NACC2: variants seen among roughly 807,000 people sequenced by gnomAD.
The protein encoded by NACC2 is NACC family member 2.
In NACC2, 8 loss-of-function variants were observed where a neutral mutation model predicts 25.1. The observed-to-expected ratio is 0.32, with a 90% confidence interval of 0.19 to 0.57. The LOEUF (loss-of-function observed/expected upper bound fraction) is 0.57. Among genes scored for constraint, NACC2 ranks in the 20% least tolerant of loss-of-function variants. The pLI is 0.89. For missense variants in NACC2, 644 were observed against 650.2 expected (o/e 0.99, Z 0.10); for synonymous variants, 435 against 294.7 (o/e 1.48, Z -4.88).
Position 136,013,170 on chromosome 9 carries a change from A to AGAGACCC in NACC2, c.1255+28_1255+29insGGGTCTC. The AGAGACCC allele has an allele frequency of 5.1e-6, 2 of 391,778 alleles. No individual in the cohort carries two copies. The highest frequency in any genetic ancestry group is 3.8e-5 in the Admixed American group (1 of 26,542). The allele number at this position is 391,778 out of a possible 1,614,324, so 24.3% of individuals were successfully genotyped here. ...GGGATCTGAACCCAGCCCCGGCCCC[A>AGAGACCC]CCCACCCGAGAGACCCCCAGGCTCT... On this transcript the variant is annotated intron_variant, in intron 5 of 5. Transcript: ENST00000277554. The surrounding 1 kb of genome is among the most constrained non-coding windows in gnomAD (Gnocchi z 6.6).
At chr9:136,045,633 G>C (rs1840711642) in intron 2 of NACC2, among the ~76,000 whole-genome samples, 1 of 152,170 alleles carries the variant, frequency 6.6e-6, no homozygotes, top group South Asian at 2.1e-4. Flanking sequence ...CCCCAGCATG[G>C]CACTACCCCT....
chr9:136,014,604 T>C (rs1416097636), intron 3 of NACC2, among the ~76,000 whole-genome samples: 4 of 152,216 alleles, frequency 2.6e-5, no homozygotes, highest in Admixed American at 2.6e-4. Context: ...GAACACACTC[T>C]GAAGGGCTGG....
chr9:136,077,875 G>A (rs934733401), intron 1 of NACC2, among the ~76,000 whole-genome samples: 7 of 152,266 alleles, frequency 4.6e-5, no homozygotes, highest in Non-Finnish European at 1.0e-4. Context: ...ACGCAAAGGT[G>A]TGCCTTTGGG....
chr9:136,061,200 G>A (rs2131170937), intron 1 of NACC2, among the ~76,000 whole-genome samples: 1 of 152,258 alleles, frequency 6.6e-6, no homozygotes, highest in African/African-American at 2.4e-5. Context: ...CCGGCTACCG[G>A]GGTCTCCCAC....
chr9:136,053,616 G>GGTACAA (rs1223957493), intron 1 of NACC2, among the ~76,000 whole-genome samples: 2 of 152,204 alleles, frequency 1.3e-5, no homozygotes, highest in Non-Finnish European at 2.9e-5. Flanking sequence ...CGGGCAGGGG[G>GGTACAA]GTACAAGAGA....
At chr9:136,056,322 TCGG>T (rs571824150) in intron 1 of NACC2, among the ~76,000 whole-genome samples, 1,616 of 152,304 alleles carry the variant, frequency 0.011, 15 homozygotes, top group Middle Eastern at 0.024. Flanking sequence ...GCCAGGGCCC[TCGG>T]CGGCCAGGAA....
intron 1 of NACC2, among the ~76,000 whole-genome samples, chr9:136,068,447 C>T (rs1483582899): frequency 7.0e-6 from 1 of 142,316 alleles, no homozygotes; most frequent in African/African-American, 2.7e-5. Flanking sequence ...TGCAGTGAGC[C>T]GAGATCACAC....
chr9:136,031,355 T>TTCATTCATTCA (rs1840469721), intron 2 of NACC2, among the ~76,000 whole-genome samples: 1 of 94,874 alleles, frequency 1.1e-5, no homozygotes, highest in Non-Finnish European at 2.5e-5. Context: ...TCATTCATTC[T>TTCATTCATTCA]GAGATAGAGT....
chr9:136,014,187 T>A (rs1840160754), intron 3 of NACC2, among the ~76,000 whole-genome samples: 1 of 151,828 alleles, frequency 6.6e-6, no homozygotes, highest in Non-Finnish European at 1.5e-5. Flanking sequence ...AAATCACACA[T>A]GGAACTAAGC....
chr9:136,062,237 T>C (rs185740758), intron 1 of NACC2, among the ~76,000 whole-genome samples: 1 of 151,966 alleles, frequency 6.6e-6, no homozygotes, highest in African/African-American at 2.4e-5. Context: ...CTAAGCAACA[T>C]GATGACTGCA....
intron 1 of NACC2, among the ~76,000 whole-genome samples, chr9:136,094,104 CTTGGGCACCCCCGGGT>C (rs1830461790): frequency 1.3e-5 from 2 of 152,202 alleles, no homozygotes; most frequent in South Asian, 4.1e-4. Flanking sequence ...TCCGGGCTGC[CTTGGGCACCCCCGGGT>C]CAGCACCCCC....
chr9:136,081,719 G>A (rs1197290580), intron 1 of NACC2, among the ~76,000 whole-genome samples: 1 of 152,198 alleles, frequency 6.6e-6, no homozygotes, highest in African/African-American at 2.4e-5. Flanking sequence ...AGCCCCTCCT[G>A]GCTCGGGCCC....
chr9:136,038,509 C>G (rs1486731417), intron 2 of NACC2, among the ~76,000 whole-genome samples: 1 of 152,162 alleles, frequency 6.6e-6, no homozygotes. Flanking sequence ...CACTGCATTC[C>G]AGCCTGGGTG....
intron 1 of NACC2, among the ~76,000 whole-genome samples, chr9:136,062,939 T>C (rs1841032067): frequency 6.6e-6 from 1 of 152,134 alleles, no homozygotes; most frequent in Admixed American, 6.5e-5. Context: ...TAAATAAAAT[T>C]ATACGTTCAC....
In NACC2 at chr9:136,055,236, C is replaced by T. The variant is rs1840906611; in HGVS notation, c.-59-4656G>A. Among the ~76,000 whole-genome samples the T allele has an allele frequency of 6.6e-6, 1 of 152,164 alleles. No individual in the cohort carries two copies. Among genetic ancestry groups the T allele is most frequent in the African/African-American group, 2.4e-5 (1 of 41,440 alleles). On this transcript the variant is annotated intron_variant, in intron 1 of 5. Transcript: ENST00000277554. The surrounding 1 kb of genome is among the most constrained non-coding windows in gnomAD (Gnocchi z 4.9). ...CTCACTGGAACTGCAGCCAGACGCG[C>T]ACACAGGGGTTGGGGCAGCGTCTCC...
rs139012191 is a variant in NACC2, at chr9:136,063,234, G to A, written c.-59-12654C>T. 5.6e-4 allele frequency among the ~76,000 whole-genome samples: 86 copies of A among 152,282 alleles called. 2 individuals are homozygous for A. The East Asian group carries it at 0.015, about 27-fold the overall frequency. ...CTCCCGGGACCCCTGGGCTGGTCTC[G>A]GCCATGCTGTGCAGAGCACCTGGGA... On this transcript the variant is annotated intron_variant, in intron 1 of 5. Transcript: ENST00000277554.
chr9:136,016,539 C>A, intron 2 of NACC2, 110 bp from the exon 3 acceptor site: 1 of 1,312,900 alleles, frequency 7.6e-7, no homozygotes, highest in Non-Finnish European at 1.1e-6. Flanking sequence ...ACCCACTCTG[C>A]CCACCTGGGC....
rs1194521973 is a variant in NACC2 at position 136,084,620 on chromosome 9, TCAAA to T, written c.-60+10565_-60+10568del. On this transcript the variant is annotated intron_variant, in intron 1 of 5. Coordinates refer to ENST00000277554, the MANE Select transcript of NACC2 (RefSeq NM_144653.5). This position sits in a 1 kb window ranked among gnomAD's most constrained non-coding sequence, Gnocchi z 5.1. ...GAAGAGCCCAGAGACACAGCAAGACTCAAACAGACGCGCACGCCACGTCCATAGC... is the reference window on the plus strand; with the variant it reads ...GAAGAGCCCAGAGACACAGCAAGACTCAGACGCGCACGCCACGTCCATAGC... Among the ~76,000 whole-genome samples, 4 of 151,982 alleles carry T rather than the reference TCAAA, an allele frequency of 2.6e-5. No individual in the cohort carries two copies. Among genetic ancestry groups the T allele is most frequent in the Non-Finnish European group, 5.9e-5 (4 of 67,990 alleles).
intron 2 of NACC2, among the ~76,000 whole-genome samples, chr9:136,021,704 A>T (rs972206864): frequency 2.3e-4 from 35 of 152,182 alleles, no homozygotes; most frequent in African/African-American, 8.2e-4. Flanking sequence ...CGCAGCCCGG[A>T]TGTCCTGCAA....
Sources: allele counts gnomAD v4.1 joint callset (sites outside exome capture counted in the v4.1 genomes callset), GRCh38; gene constraint gnomAD v4.1.1; non-coding constraint Gnocchi (gnomAD v3.1); transcripts MANE v1.5; gene names NCBI Gene and HGNC (gene_info 2026-07-23, HGNC 2026-07-21).